The following THAP4 variants were observed in gnomAD, a reference collection of about 807,000 sequenced individuals.
THAP4 encodes the protein THAP domain containing 4.
Under a neutral mutation model 48.1 loss-of-function variants are expected in THAP4, and 18 were observed. That is an observed-to-expected ratio of 0.37 (90% CI 0.26 to 0.56). THAP4 has a LOEUF of 0.56. THAP4 is among the 20% of genes least tolerant of loss of function. THAP4 has a pLI of 0.78. For missense variants in THAP4, 656 were observed against 774.9 expected (o/e 0.85, Z 1.82); for synonymous variants, 345 against 324.9 (o/e 1.06, Z -0.66).
upstream of THAP4, chr2:241,637,304 A>C: frequency 8.6e-7 from 1 of 1,160,684 alleles, no homozygotes; most frequent in Non-Finnish European, 1.1e-6. Flanking sequence ...CGGGCGGGGG[A>C]GTCGCCCCGG....
At position 241,633,422 on chromosome 2, in the gene THAP4, G is replaced by A. The variant is rs776529327; in HGVS notation, c.735C>T (p.Thr245=). 9 of 1,613,714 alleles carry A rather than the reference G, an allele frequency of 5.6e-6. No individual in the cohort carries two copies. Among genetic ancestry groups the A allele is most frequent in the African/African-American group, 1.3e-5 (1 of 74,882 alleles). The change falls in exon 2 of 6, where the codon ACC becomes ACT. Residue 245 remains threonine, a synonymous_variant. Transcript: ENST00000407315. This position sits in a 1 kb window ranked among gnomAD's most constrained non-coding sequence, Gnocchi z 7.5. The stretch of plus-strand genomic sequence containing the variant: ...CTCGGGGGACAGATGGCCTTTCTCG[G>A]GTGTGCTTAGAGGAGAAACTGTACG... ...LHSYSFSSKH[T]RERPSVPREP...
chr2:241,602,913 GA>G, intron 4 of THAP4, 56 bp downstream of exon 4: 1 of 1,347,704 alleles, frequency 7.4e-7, no homozygotes, highest in Non-Finnish European at 1.1e-6. Flanking sequence ...CCCCTGCTTC[GA>G]ATGCAGGCAG....
chr2:241,606,354 C>A lies in THAP4; in HGVS notation c.1360G>T (p.Val454Phe), dbSNP rs762832877. Reference protein sequence around the residue: ...TLQPFQYLEEVHISHVGQPML... With the variant: ...TLQPFQYLEEFHISHVGQPML... ...GGCTGGCCCACGTGGGAGATGTGAA[C>A]CTCCTCCAGGTACTGGAAGGGCTGC... is the stretch of plus-strand genomic sequence containing the variant. The change falls in exon 3 of 6, where the codon GTT becomes TTT. Residue 454 changes from valine to phenylalanine, a missense_variant. Around this residue, in one of 4 missense-constraint regions of THAP4, gnomAD observed 176 missense variants for 256.7 expected, o/e 0.69. Transcript: ENST00000407315. The A allele has an allele frequency of 3.8e-6, 6 of 1,572,680 alleles. No individual in the cohort carries two copies. The highest frequency in any genetic ancestry group is 5.2e-6 in the Non-Finnish European group (6 of 1,158,830).
rs111378262 is a variant in THAP4 at position 241,621,585 on chromosome 2, C to T, written c.1240+11332G>A. Among the ~76,000 whole-genome samples the T allele has an allele frequency of 9.7e-3, 1,465 of 151,800 alleles. 21 individuals carry two copies. Among genetic ancestry groups the T allele is most frequent in the African/African-American group, 0.034 (1,399 of 41,352 alleles). ...TGAGTTGAAGATATGTCAATAGAAA[C>T]TTCCCAAACTGAAATGCAAAGAGAA... On this transcript the variant is annotated intron_variant, in intron 2 of 5. Transcript: ENST00000407315.
Position 241,636,932 on chromosome 2 carries a change from C to G in THAP4, c.77+9G>C. 8.0e-7 allele frequency: 1 copy of G among 1,251,160 alleles called. No individual in the cohort carries two copies. Among genetic ancestry groups the G allele is most frequent in the Non-Finnish European group, 1.0e-6 (1 of 973,406 alleles). The allele number at this position is 1,251,160 out of a possible 1,614,324, so 77.5% of individuals were successfully genotyped here. A position where few individuals can be genotyped will look rare whatever the true frequency, so the allele number is the denominator to read the frequency against. On this transcript the variant is annotated intron_variant, in intron 1 of 5. Transcript: ENST00000407315. ...GGGGCGGGGGCGTGGCGGCCCGGGG[C>G]CCGCGTACCTGTGGAAGGAGACGGC... is the stretch of plus-strand genomic sequence containing the variant.
intron 5 of THAP4, among the ~76,000 whole-genome samples, chr2:241,598,478 C>T (rs2067075602): frequency 6.6e-6 from 1 of 152,160 alleles, no homozygotes; most frequent in Admixed American, 6.6e-5. Flanking sequence ...ACAGCAGTCC[C>T]CAAACTTTTT....
At position 241,601,857 on chromosome 2, in the gene THAP4, CAG is replaced by C; in HGVS notation, c.1614+37_1614+38del. The C allele has an allele frequency of 1.9e-6, 3 of 1,611,948 alleles. No individual in the cohort carries two copies. The highest frequency in any genetic ancestry group is 2.5e-6 in the Non-Finnish European group (3 of 1,179,318). ...GGCTGACTCCACAGACCGCTGCAAA[CAG>C]AAGACAGGAGCGTGCTGGGAGCAGG... is the stretch of plus-strand genomic sequence containing the variant. On this transcript the variant is annotated intron_variant, in intron 5 of 5. Coordinates refer to ENST00000407315, the MANE Select transcript of THAP4 (RefSeq NM_015963.6). The surrounding 1 kb of genome is among the most constrained non-coding windows in gnomAD (Gnocchi z 4.0).
intron 4 of THAP4, 91 bp from the exon 5 acceptor site, chr2:241,602,090 C>A (rs541339825): frequency 3.5e-5 from 43 of 1,232,454 alleles, no homozygotes; most frequent in Non-Finnish European, 3.2e-5. Flanking sequence ...CGGGACTCCA[C>A]AGGAGGCCCC....
intron 5 of THAP4, among the ~76,000 whole-genome samples, chr2:241,592,578 C>T (rs1321598921): frequency 6.6e-6 from 1 of 152,186 alleles, no homozygotes; most frequent in Non-Finnish European, 1.5e-5. Context: ...GCCATGCCCA[C>T]CAACACCCAC....
At position 241,633,013 on chromosome 2, in the gene THAP4, G is replaced by A. The variant is rs1375573611; in HGVS notation, c.1144C>T (p.Arg382Cys). 3.1e-6 allele frequency: 5 copies of A among 1,613,618 alleles called. No individual in the cohort carries two copies. Among genetic ancestry groups the A allele is most frequent in the South Asian group, 2.2e-5 (2 of 91,062 alleles). The change falls in exon 2 of 6, where the codon CGC (arginine) becomes TGC (cysteine). Residue 382 changes from arginine to cysteine, a missense_variant. By Grantham distance (180) the Arg-to-Cys change is radical. This residue lies in a region of THAP4 where 391 missense variants were observed against 412.4 expected (regional missense o/e 0.95). Coordinates refer to ENST00000407315, the MANE Select transcript of THAP4 (RefSeq NM_015963.6). This position sits in a 1 kb window ranked among gnomAD's most constrained non-coding sequence, Gnocchi z 7.5. ...AGCTTCCGCACCTGGCTGTCGGAGC[G>A]GCTGACCCTCTGCCGCAGGCTCTTC... ...ELKSLRQRVSRSDSQVRKLQE... is the reference protein window; with the variant it reads ...ELKSLRQRVSCSDSQVRKLQE...
Position 241,637,100 on chromosome 2 carries a change from G to T in THAP4, c.-83C>A. Reference sequence around the variant, plus strand: ...CGGACCGCCCCGAGGGAGGGAGCGCGGCGGCGACACGGCTCGGGACGTGGG... The same window carrying T: ...CGGACCGCCCCGAGGGAGGGAGCGCTGCGGCGACACGGCTCGGGACGTGGG... On this transcript the variant is annotated 5_prime_UTR_variant, in exon 1 of 6. Transcript: ENST00000407315. 9.8e-7 allele frequency: 1 copy of T among 1,022,042 alleles called. No individual in the cohort carries two copies. The highest frequency in any genetic ancestry group is 1.2e-6 in the Non-Finnish European group (1 of 857,150). 63.3% of individuals were successfully genotyped at this position (1,022,042 alleles called of 1,614,324 possible).
chr2:241,634,562 G>C lies in THAP4; in HGVS notation c.78-483C>G, dbSNP rs144947206. Among the ~76,000 whole-genome samples, 41 of 152,356 alleles carry C rather than the reference G, an allele frequency of 2.7e-4. No homozygotes were observed. The East Asian group carries it at 7.7e-3, about 29-fold the overall frequency. On this transcript the variant is annotated intron_variant, in intron 1 of 5. Coordinates refer to ENST00000407315, the MANE Select transcript of THAP4 (RefSeq NM_015963.6). ...TGGAGGCAGCCCTGGCTGTGCGCAA[G>C]CAGCTGAGAATCTGGAGACCTCCAG...
chr2:241,631,349 C>T (rs1280834746), intron 2 of THAP4, among the ~76,000 whole-genome samples: 1 of 152,060 alleles, frequency 6.6e-6, no homozygotes, highest in African/African-American at 2.4e-5. Flanking sequence ...CCTATGTACA[C>T]GACAGGCAAA....
In THAP4 at chr2:241,598,593, C is replaced by A. The variant is rs552230987; in HGVS notation, c.1614+3303G>T. ...ATCTTAGATCATTAGGCATTAGATT[C>A]TCATTAGAAGCAAAACCTAGATCCC... is the stretch of plus-strand genomic sequence containing the variant. On this transcript the variant is annotated intron_variant, in intron 5 of 5. Coordinates refer to ENST00000407315, the MANE Select transcript of THAP4 (RefSeq NM_015963.6). Among the ~76,000 whole-genome samples, 315 of 152,204 alleles carry A rather than the reference C, an allele frequency of 2.1e-3. 1 individual carries two copies. The highest frequency in any genetic ancestry group is 3.9e-3 in the Non-Finnish European group (262 of 68,018).
chr2:241,606,193 G>T, intron 3 of THAP4, 121 bp downstream of exon 3: 1 of 901,480 alleles, frequency 1.1e-6, no homozygotes, highest in Non-Finnish European at 1.6e-6. Context: ...TTCTGAAATA[G>T]ATGGACAAGT....
chr2:241,632,220 A>G (rs765691892), intron 2 of THAP4, among the ~76,000 whole-genome samples: 5 of 151,984 alleles, frequency 3.3e-5, no homozygotes, highest in African/African-American at 4.8e-5. Flanking sequence ...AGCCTCCCCA[A>G]TAACTGGGAT....
At chr2:241,602,081 G>A (rs1277559025) in intron 4 of THAP4, 82 bp from the exon 5 acceptor site, 85 of 1,412,102 alleles carry the variant, frequency 6.0e-5, no homozygotes, top group Non-Finnish European at 7.4e-5. Context: ...CCTGCAAGCC[G>A]GGACTCCACA....
At chr2:241,586,576 A>G (rs910387770) in intron 5 of THAP4, among the ~76,000 whole-genome samples, 2 of 151,966 alleles carry the variant, frequency 1.3e-5, no homozygotes, top group Admixed American at 6.6e-5. Context: ...GGAAATAGAC[A>G]CCTCCCCCAC....
intron 2 of THAP4, among the ~76,000 whole-genome samples, chr2:241,609,968 G>A (rs1054906412): frequency 6.6e-6 from 1 of 152,154 alleles, no homozygotes; most frequent in Non-Finnish European, 1.5e-5. Context: ...GCGGCACCCC[G>A]GGCGCTGGGG....
Sources: allele counts gnomAD v4.1 joint callset (sites outside exome capture counted in the v4.1 genomes callset), GRCh38; gene constraint gnomAD v4.1.1; regional missense constraint gnomAD v4.1.1; non-coding constraint Gnocchi (gnomAD v3.1); transcripts MANE v1.5; gene names NCBI Gene and HGNC (gene_info 2026-07-23, HGNC 2026-07-21).